Variants in ARSK observed in about 807,000 individuals in gnomAD.
ARSK encodes arylsulfatase K.
ARSK carries 37 observed loss-of-function variants against 53.2 expected under a neutral mutation model. The ratio of observed to expected loss-of-function variants is 0.70; its 90% CI spans 0.54 to 0.92. The LOEUF (loss-of-function observed/expected upper bound fraction) is 0.92. Ranked by LOEUF, ARSK falls within the 40% of genes least tolerant of loss-of-function variation. The pLI is 0.00. For synonymous variants in ARSK, 208 were observed against 223.2 expected (o/e 0.93, Z 0.61); for missense variants, 613 against 643.0 (o/e 0.95, Z 0.51).
At chr5:95,556,181 T>A (rs1748501620) in intron 1 of ARSK, 1 of 702,166 alleles carries the variant, frequency 1.4e-6, no homozygotes, top group African/African-American at 1.7e-5. Context: ...GTGTTTGTAA[T>A]CATATGTTGT....
In ARSK at chr5:95,603,506, A is replaced by G; in HGVS notation, c.1591A>G (p.Met531Val). The G allele has an allele frequency of 1.9e-6, 3 of 1,603,668 alleles. No homozygotes were observed. The highest frequency in any genetic ancestry group is 2.3e-5 in the South Asian group (2 of 88,318). ...AATTGATCAGTGGCTTAAAACCCAT[A>G]TGAATCCAAGAGCAGTTTGAACAAA... ...NAIDQWLKTH[M>V]NPRAV Residue 531 changes from methionine (M) to valine (V), a missense_variant, in exon 8 of 8, where the codon ATG becomes GTG. Physicochemically the swap from Met to Val is conservative, Grantham distance 21. Transcript: ENST00000380009.
Position 95,563,548 on chromosome 5 carries a change from C to T in ARSK, c.127-2450C>T, listed in dbSNP as rs546640772. ...TCTGGTTATCTCTGCCACTATATTTCAAAGAGTCCTGCTTTCCAGCCTGCT... is the reference window on the plus strand; with the variant it reads ...TCTGGTTATCTCTGCCACTATATTTTAAAGAGTCCTGCTTTCCAGCCTGCT... On this transcript the variant is annotated intron_variant, in intron 1 of 7. Transcript: ENST00000380009. Among the ~76,000 whole-genome samples, 339 of 152,324 alleles carry T rather than the reference C, an allele frequency of 2.2e-3. 1 individual carries two copies. The highest frequency in any genetic ancestry group is 7.7e-3 in the African/African-American group (319 of 41,558).
Position 95,555,309 on chromosome 5 carries a change from G to C in ARSK, c.31G>C (p.Ala11Pro). 1 of 1,604,810 alleles carries C rather than the reference G, an allele frequency of 6.2e-7. No individual in the cohort carries two copies. Among genetic ancestry groups the C allele is most frequent in the Non-Finnish European group, 8.5e-7 (1 of 1,179,248 alleles). ...ACTGCTGTGGGTGTCGGTGGTCGCA[G>C]CCTTGGCGCTGGCGGTACTGGCCCC... MLLLWVSVVA[A>P]LALAVLAPGA... The change falls in exon 1 of 8, where the codon GCC becomes CCC. Residue 11 changes from alanine (A) to proline (P), a missense_variant. Ala to Pro is a conservative substitution (Grantham distance 27). Coordinates refer to ENST00000380009, the MANE Select transcript of ARSK (RefSeq NM_198150.3). The surrounding 1 kb of genome is among the most constrained non-coding windows in gnomAD (Gnocchi z 4.0).
chr5:95,602,061 C>T (rs1749410147), intron 7 of ARSK, among the ~76,000 whole-genome samples: 1 of 152,068 alleles, frequency 6.6e-6, no homozygotes, highest in South Asian at 2.1e-4. Context: ...TCACAATAAC[C>T]AATCCGAAGG....
At chr5:95,565,830 T>C (rs781298663) in intron 1 of ARSK, among the ~76,000 whole-genome samples, 168 bp from the exon 2 acceptor site, 1 of 152,236 alleles carries the variant, frequency 6.6e-6, no homozygotes, top group Non-Finnish European at 1.5e-5. Flanking sequence ...ATTCTAGCTA[T>C]TTATGTACCA....
intron 3 of ARSK, among the ~76,000 whole-genome samples, chr5:95,568,701 G>T (rs1325486660): frequency 6.6e-6 from 1 of 152,178 alleles, no homozygotes; most frequent in Non-Finnish European, 1.5e-5. Context: ...TGCTTGGAAG[G>T]TTGGCCCCTG....
At chr5:95,600,367 T>C (rs1464719793) in intron 6 of ARSK, among the ~76,000 whole-genome samples, 3 of 152,214 alleles carry the variant, frequency 2.0e-5, no homozygotes, top group African/African-American at 7.2e-5. Flanking sequence ...TGTTTAACCA[T>C]TGTTTTGCAA....
At chr5:95,568,911 C>G (rs1748777322) in intron 3 of ARSK, among the ~76,000 whole-genome samples, 1 of 152,134 alleles carries the variant, frequency 6.6e-6, no homozygotes, top group African/African-American at 2.4e-5. Flanking sequence ...AACTTGGGTA[C>G]TGATTCTCTA....
At chr5:95,599,604 C>T (rs754565207) in intron 6 of ARSK, among the ~76,000 whole-genome samples, 4 of 152,130 alleles carry the variant, frequency 2.6e-5, no homozygotes, top group Non-Finnish European at 5.9e-5. Flanking sequence ...TTGTTTTTAA[C>T]CAGTCACCTC....
chr5:95,571,030 C>A (rs1748821943), intron 3 of ARSK, among the ~76,000 whole-genome samples: 1 of 152,216 alleles, frequency 6.6e-6, no homozygotes, highest in African/African-American at 2.4e-5. Flanking sequence ...ATCTGCCCGC[C>A]TAGGCCTCCC....
At chr5:95,583,353 C>T (rs1749054430) in intron 4 of ARSK, among the ~76,000 whole-genome samples, 155 bp downstream of exon 4, 1 of 152,082 alleles carries the variant, frequency 6.6e-6, no homozygotes, top group South Asian at 2.1e-4. Flanking sequence ...ACTAAAGGGA[C>T]AATTTTACAG....
chr5:95,582,805 C>T lies in ARSK; in HGVS notation c.417-111C>T, dbSNP rs1347014563. Reference sequence around the variant, plus strand: ...CTAATATAGTTATTCTGAACATTTACAAGACTGAGTCTAAAAATTGTTTTC... The same window carrying T: ...CTAATATAGTTATTCTGAACATTTATAAGACTGAGTCTAAAAATTGTTTTC... On this transcript the variant is annotated intron_variant, in intron 3 of 7. Transcript: ENST00000380009. The T allele has an allele frequency of 2.7e-5, 28 of 1,049,040 alleles. No individual in the cohort carries two copies. In the South Asian group the frequency reaches 6.2e-4, roughly 23 times the overall value. The allele number at this position is 1,049,040 out of a possible 1,614,324, so 65.0% of individuals were successfully genotyped here.
In ARSK at chr5:95,583,042, C is replaced by T. The variant is rs749516651; in HGVS notation, c.543C>T (p.Asp181=). 1.2e-6 allele frequency: 2 copies of T among 1,613,758 alleles called. No individual in the cohort carries two copies. Among genetic ancestry groups the T allele is most frequent in the African/African-American group, 1.3e-5 (1 of 75,022 alleles). The change falls in exon 4 of 8, where the codon GAC becomes GAT. Residue 181 remains aspartate, a synonymous_variant. Coordinates refer to ENST00000380009, the MANE Select transcript of ARSK (RefSeq NM_198150.3). The part of the protein sequence containing the change: ...RVMERDWQNT[D]KAVNWLRKEA... ...TGGAAAGGGATTGGCAGAATACAGA[C>T]AAAGCAGTAAACTGGTTAAGAAAGG... is the stretch of plus-strand genomic sequence containing the variant.
At chr5:95,562,258 G>A (rs181412305) in intron 1 of ARSK, among the ~76,000 whole-genome samples, 14 of 151,920 alleles carry the variant, frequency 9.2e-5, no homozygotes, top group Non-Finnish European at 1.5e-4. Flanking sequence ...TAGAAAAGAA[G>A]CATCTCTGCC....
intron 1 of ARSK, among the ~76,000 whole-genome samples, chr5:95,559,308 A>G (rs1026326577): frequency 7.2e-5 from 11 of 152,216 alleles, no homozygotes; most frequent in Non-Finnish European, 1.3e-4. Flanking sequence ...AGATTCCACC[A>G]ATCTCAGATA....
At chr5:95,569,582 A>G (rs1049278357) in intron 3 of ARSK, among the ~76,000 whole-genome samples, 1 of 152,216 alleles carries the variant, frequency 6.6e-6, no homozygotes, top group East Asian at 1.9e-4. Context: ...GATTGCCAGG[A>G]GTCACCATAA....
chr5:95,556,418 T>G, intron 1 of ARSK: 1 of 586,118 alleles, frequency 1.7e-6, no homozygotes, highest in Non-Finnish European at 3.0e-6. Flanking sequence ...TGCCATCTTA[T>G]GAATGACAGT....
intron 2 of ARSK, among the ~76,000 whole-genome samples, chr5:95,566,360 G>A (rs527538166): frequency 5.3e-5 from 8 of 152,224 alleles, no homozygotes; most frequent in East Asian, 3.9e-4. Context: ...ATGTGTTACC[G>A]TTTTATTTCC....
In ARSK at chr5:95,586,727, A is replaced by C; in HGVS notation, c.865A>C (p.Met289Leu). The C allele has an allele frequency of 6.3e-7, 1 of 1,589,694 alleles. No homozygotes were observed. Among genetic ancestry groups the C allele is most frequent in the South Asian group, 1.2e-5 (1 of 85,096 alleles). The change falls in exon 5 of 8, where the codon ATG becomes CTG. Residue 289 changes from methionine to leucine, a missense_variant. Coordinates refer to ENST00000380009, the MANE Select transcript of ARSK (RefSeq NM_198150.3). ...TGCTATGTGTGCTGAGACAGATGCC[A>C]TGCTTGGTAGGTGGTATAATTAATA... is the stretch of plus-strand genomic sequence containing the variant. ...YYAMCAETDA[M>L]LGEIILALHQ...
Sources: gnomAD v4.1 joint callset for allele counts (sites outside exome capture counted in the v4.1 genomes callset) on GRCh38, gnomAD v4.1.1 for gene constraint, Gnocchi (gnomAD v3.1) non-coding constraint, MANE v1.5 for transcripts, NCBI Gene and HGNC (gene_info 2026-07-23, HGNC 2026-07-21) for gene names.